FER: variants seen among roughly 807,000 people sequenced by gnomAD.
FER encodes the protein FER tyrosine kinase.
In FER, 63 loss-of-function variants were observed where a neutral mutation model predicts 111.0. The observed-to-expected ratio is 0.57, with a 90% CI of 0.46 to 0.70. FER has a LOEUF of 0.70. FER is among the 30% of genes least tolerant of loss of function. The pLI, the probability that FER is intolerant of heterozygous loss-of-function variation, is 0.00. For synonymous variants in FER, 327 were observed against 313.9 expected (o/e 1.04, Z -0.44); for missense variants, 914 against 954.0 (o/e 0.96, Z 0.55).
chr5:108,991,706 G>GT (rs1222955571), intron 13 of FER, among the ~76,000 whole-genome samples: 2 of 151,278 alleles, frequency 1.3e-5, no homozygotes, highest in African/African-American at 4.8e-5. Flanking sequence ...ATTCAGTAAG[G>GT]TTTTTTTTAG....
chr5:108,869,746 G>A (rs1197366745), intron 6 of FER, among the ~76,000 whole-genome samples: 2 of 152,078 alleles, frequency 1.3e-5, no homozygotes, highest in Admixed American at 6.6e-5. Context: ...GACTTCCACA[G>A]CCTCTGAAAT....
At chr5:108,959,921 T>C (rs1246343925) in intron 13 of FER, among the ~76,000 whole-genome samples, 1 of 152,124 alleles carries the variant, frequency 6.6e-6, no homozygotes, top group East Asian at 1.9e-4. Flanking sequence ...CAAGATTTGT[T>C]CAATAAAGTA....
intron 17 of FER, among the ~76,000 whole-genome samples, chr5:109,158,958 G>A (rs939188512): frequency 4.6e-5 from 7 of 152,038 alleles, no homozygotes; most frequent in East Asian, 1.9e-4. Flanking sequence ...TTTAAATTCA[G>A]TCATTAAAAA....
intron 17 of FER, among the ~76,000 whole-genome samples, chr5:109,176,916 C>G (rs1757762695): frequency 6.6e-6 from 1 of 152,142 alleles, no homozygotes; most frequent in South Asian, 2.1e-4. Context: ...AATGTCAGAA[C>G]AAGAAATGTA....
In FER at chr5:108,811,397, C is replaced by G. The variant is rs556547055; in HGVS notation, c.207+13008C>G. 5.3e-5 allele frequency among the ~76,000 whole-genome samples: 8 copies of G among 152,234 alleles called. No individual in the cohort carries two copies. In the South Asian group the frequency reaches 1.7e-3, roughly 32 times the overall value. ...TTTTAAATTTAATTTCATTGTTTTT[C>G]AAGAATCTATTTTGTATCAGTTGAA... On this transcript the variant is annotated intron_variant, in intron 3 of 19. Coordinates refer to ENST00000281092, the MANE Select transcript of FER (RefSeq NM_005246.4).
At chr5:109,079,672 G>A (rs1231104155) in intron 16 of FER, among the ~76,000 whole-genome samples, 1 of 150,480 alleles carries the variant, frequency 6.6e-6, no homozygotes, top group Non-Finnish European at 1.5e-5. Context: ...GTAAAATTCT[G>A]GCTTGAAGGC....
At chr5:108,819,991 C>T in intron 3 of FER, 1 of 984,690 alleles carries the variant, frequency 1.0e-6, no homozygotes, top group Non-Finnish European at 1.2e-6. Context: ...TAATCTGGAA[C>T]TACAGGAAAT....
intron 12 of FER, among the ~76,000 whole-genome samples, chr5:108,958,761 A>G (rs2149666210): frequency 6.6e-6 from 1 of 151,984 alleles, no homozygotes; most frequent in East Asian, 1.9e-4. Context: ...GATGTATTAA[A>G]ATATTTACCA....
At chr5:109,101,510 T>C (rs1183195135) in intron 17 of FER, among the ~76,000 whole-genome samples, 2 of 152,046 alleles carry the variant, frequency 1.3e-5, no homozygotes, top group African/African-American at 2.4e-5. Context: ...TTTGACTTAA[T>C]TTCCCCATGC....
In FER at chr5:108,764,364, AATTTT is replaced by A. The variant is rs974705510; in HGVS notation, c.-205-3718_-205-3714del. Among the ~76,000 whole-genome samples, 79 of 152,116 alleles carry A rather than the reference AATTTT, an allele frequency of 5.2e-4. 1 individual carries two copies. The highest frequency in any genetic ancestry group is 1.7e-3 in the African/African-American group (72 of 41,528). On this transcript the variant is annotated intron_variant, in intron 1 of 19. Coordinates refer to ENST00000281092, the MANE Select transcript of FER (RefSeq NM_005246.4). ...TGAACAAGAAATTTTCTTTGAAAAC[AATTTT>A]ATTTTATTTTTTAAATTTAATTTTA... is the stretch of plus-strand genomic sequence containing the variant.
intron 10 of FER, among the ~76,000 whole-genome samples, chr5:108,926,007 C>T (rs1224274025): frequency 3.3e-5 from 5 of 151,908 alleles, no homozygotes; most frequent in Admixed American, 2.6e-4. Flanking sequence ...AAAAAAGTCT[C>T]GCTTTCTTGT....
intron 9 of FER, among the ~76,000 whole-genome samples, chr5:108,888,129 G>C (rs1043766890): frequency 1.6e-4 from 25 of 151,816 alleles, no homozygotes; most frequent in Non-Finnish European, 3.2e-4. Context: ...TCTAGCTTCT[G>C]GTAAAGCTAA....
chr5:108,998,240 G>A (rs1293336804), intron 13 of FER, among the ~76,000 whole-genome samples: 6 of 148,046 alleles, frequency 4.1e-5, no homozygotes, highest in East Asian at 2.0e-4. Context: ...CCAAACGGCC[G>A]CCCAGTCTTG....
At chr5:109,132,940 A>G (rs76422422) in intron 17 of FER, among the ~76,000 whole-genome samples, 3,517 of 152,276 alleles carry the variant, frequency 0.023, 57 homozygotes, top group Non-Finnish European at 0.034. Flanking sequence ...GTGGGCAGAT[A>G]GAAAGGGTGC....
intron 8 of FER, 90 bp downstream of exon 8, chr5:108,872,302 C>T (rs1031410905): frequency 1.8e-5 from 23 of 1,281,558 alleles, no homozygotes; most frequent in African/African-American, 1.5e-4. Context: ...ATTATTTTTA[C>T]AAGTATTGAA....
chr5:109,058,515 GA>G (rs1773927140), intron 16 of FER, among the ~76,000 whole-genome samples: 1 of 145,778 alleles, frequency 6.9e-6, no homozygotes, highest in South Asian at 2.2e-4. Flanking sequence ...AAAATTAATT[GA>G]TTTTTTTTTA....
rs184908634 is a variant in FER, at chr5:108,962,018, C to T, written c.1656+2671C>T. Among the ~76,000 whole-genome samples the T allele has an allele frequency of 1.9e-3, 291 of 152,250 alleles. 2 individuals are homozygous for T. Among genetic ancestry groups the T allele is most frequent in the African/African-American group, 6.3e-3 (263 of 41,538 alleles). ...CTTCCCATTTATCTCTGCTCCTACCCATAAAAATATGTTTATCATCATAAT... is the reference window on the plus strand; with the variant it reads ...CTTCCCATTTATCTCTGCTCCTACCTATAAAAATATGTTTATCATCATAAT... On this transcript the variant is annotated intron_variant, in intron 13 of 19. Transcript: ENST00000281092.
rs748317404 is a variant in FER at position 109,047,146 on chromosome 5, A to G, written c.1872A>G (p.Ile624Met). Residue 624 changes from isoleucine to methionine, a missense_variant, in exon 16 of 20, where the codon ATA becomes ATG. By Grantham distance (10) the Ile-to-Met change is conservative (BLOSUM62 1). Coordinates refer to ENST00000281092, the MANE Select transcript of FER (RefSeq NM_005246.4). ...ATCATCCCAATATTGTCAAACTTAT[A>G]GGAGTTTGCACACAAAGACAGCCTG... ...QYDHPNIVKL[I>M]GVCTQRQPVY... 2 of 1,609,190 alleles carry G rather than the reference A, an allele frequency of 1.2e-6. No homozygotes were observed. Among genetic ancestry groups the G allele is most frequent in the Non-Finnish European group, 1.7e-6 (2 of 1,177,416 alleles).
chr5:108,957,781 G>A (rs1758621897), intron 12 of FER, among the ~76,000 whole-genome samples: 1 of 151,610 alleles, frequency 6.6e-6, no homozygotes, highest in Non-Finnish European at 1.5e-5. Flanking sequence ...ACTGGGTAAA[G>A]TGGTTTGCAT....
Sources: gnomAD v4.1 joint callset for allele counts (sites outside exome capture counted in the v4.1 genomes callset) on GRCh38, gnomAD v4.1.1 for gene constraint, MANE v1.5 for transcripts, NCBI Gene and HGNC (gene_info 2026-07-23, HGNC 2026-07-21) for gene names.